The following TRIO variants were observed in gnomAD, a reference collection of about 807,000 sequenced individuals.
The protein encoded by TRIO is trio Rho guanine nucleotide exchange factor, also known as triple functional domain protein.
A neutral mutation model predicts 351.9 loss-of-function variants in TRIO; 58 were observed. That is an observed-to-expected ratio of 0.16 (90% CI 0.13 to 0.21). The LOEUF (loss-of-function observed/expected upper bound fraction) is 0.21, where lower values mean the gene tolerates loss of function less well. TRIO is among the 10% of genes least tolerant of loss of function. The pLI, the probability that TRIO is intolerant of heterozygous loss-of-function variation, is 1.00. For missense variants in TRIO, 3,201 were observed against 4,027.8 expected, an observed-to-expected ratio of 0.79 and a Z score of 5.56; for synonymous variants, 1,758 against 1,595.7, an observed-to-expected ratio of 1.10 and a Z score of -2.42.
intron 1 of TRIO, among the ~76,000 whole-genome samples, chr5:14,178,136 T>C (rs1789517755): frequency 1.3e-5 from 2 of 152,188 alleles, no homozygotes; most frequent in Admixed American, 1.3e-4. Flanking sequence ...AAAAATAGTC[T>C]GCTAGGGCAG....
chr5:14,314,989 G>A (rs138158293), intron 8 of TRIO, among the ~76,000 whole-genome samples: 63 of 152,278 alleles, frequency 4.1e-4, no homozygotes, highest in African/African-American at 1.4e-3. Context: ...TGAAGCCTTC[G>A]TAAGGAATAA....
intron 34 of TRIO, among the ~76,000 whole-genome samples, chr5:14,437,490 A>T (rs1003213499): frequency 2.0e-5 from 3 of 152,166 alleles, no homozygotes; most frequent in African/African-American, 7.2e-5. Flanking sequence ...GCTGTAACAA[A>T]GTACCACACA....
intron 1 of TRIO, among the ~76,000 whole-genome samples, chr5:14,159,476 G>A (rs1279671123): frequency 6.6e-6 from 1 of 152,112 alleles, no homozygotes; most frequent in Non-Finnish European, 1.5e-5. Context: ...AAAGTTGAAG[G>A]GAGAGGCAAC....
chr5:14,496,135 A>G (rs1756878529), intron 49 of TRIO, among the ~76,000 whole-genome samples: 1 of 152,208 alleles, frequency 6.6e-6, no homozygotes, highest in South Asian at 2.1e-4. Flanking sequence ...TAATTAAGGT[A>G]TGTACATTTT....
intron 20 of TRIO, among the ~76,000 whole-genome samples, chr5:14,378,832 TTACAGGCATGAG>T (rs1745810186): frequency 6.6e-6 from 1 of 152,142 alleles, no homozygotes; most frequent in Non-Finnish European, 1.5e-5. Flanking sequence ...AGTGCTGGGA[TTACAGGCATGAG>T]CCACCGCACC....
intron 25 of TRIO, among the ~76,000 whole-genome samples, chr5:14,389,930 G>A (rs961491354): frequency 1.3e-5 from 2 of 152,180 alleles, no homozygotes. Context: ...CAGCAAGAGC[G>A]CAGTCCCCTC....
chr5:14,321,062 G>A lies in TRIO; in HGVS notation c.1731+4319G>A, dbSNP rs551857326. On this transcript the variant is annotated intron_variant, in intron 9 of 56. Coordinates refer to ENST00000344204, the MANE Select transcript of TRIO (RefSeq NM_007118.4). ...AGCTTTTTCTGAATTCTTCTCAAAC[G>A]TCAAGGGTCTAATGCACAAGGAAAA... Among the ~76,000 whole-genome samples, 91 of 152,294 alleles carry A rather than the reference G, an allele frequency of 6.0e-4. 1 individual carries two copies. Among genetic ancestry groups the A allele is most frequent in the African/African-American group, 2.0e-3 (85 of 41,560 alleles).
intron 19 of TRIO, among the ~76,000 whole-genome samples, chr5:14,376,071 CA>C (rs1745532192): frequency 6.6e-6 from 1 of 152,056 alleles, no homozygotes; most frequent in South Asian, 2.1e-4. Context: ...GGAGAAAAGT[CA>C]ATAAATTTGG....
At chr5:14,411,747 A>C (rs1241737506) in intron 33 of TRIO, among the ~76,000 whole-genome samples, 5 of 151,538 alleles carry the variant, frequency 3.3e-5, no homozygotes, top group Non-Finnish European at 7.4e-5. Flanking sequence ...TAGGACCATA[A>C]GTGTACACTA....
At position 14,363,793 on chromosome 5, in the gene TRIO, C is replaced by G. The variant is rs748924196; in HGVS notation, c.2453C>G (p.Thr818Arg). 3 of 1,614,176 alleles carry G rather than the reference C, an allele frequency of 1.9e-6. No individual in the cohort carries two copies. Among genetic ancestry groups the G allele is most frequent in the South Asian group, 1.1e-5 (1 of 91,086 alleles). ...TCTCAGCAAATGAATGACTTCGACACAGAAGATCTCACGATTGCAGAGCAG... is the reference window on the plus strand; with the variant it reads ...TCTCAGCAAATGAATGACTTCGACAGAGAAGATCTCACGATTGCAGAGCAG... The part of the protein sequence containing the change: ...ELSQQMNDFD[T>R]EDLTIAEQRL... Residue 818 changes from threonine (T) to arginine (R), a missense_variant, in exon 14 of 57, where the codon ACA becomes AGA. Around this residue, in one of 19 missense-constraint regions of TRIO, gnomAD observed 363 missense variants for 553.5 expected, o/e 0.66. Coordinates refer to ENST00000344204, the MANE Select transcript of TRIO (RefSeq NM_007118.4).
rs947187151 is a variant in TRIO at position 14,143,705 on chromosome 5, G to A, written c.-21G>A. The A allele has an allele frequency of 1.2e-3, 1,134 of 975,588 alleles. 5 individuals carry two copies. The African/African-American group carries it at 0.019, about 16-fold the overall frequency. The allele number at this position is 975,588 out of a possible 1,614,324, so 60.4% of individuals were successfully genotyped here. Reference sequence around the variant, plus strand: ...GGGCGCGGGGCCCGAGGCGGGCGCGGCCGCGGGCGCCGCCGCAGCCATGAG... The same window carrying A: ...GGGCGCGGGGCCCGAGGCGGGCGCGACCGCGGGCGCCGCCGCAGCCATGAG... On this transcript the variant is annotated 5_prime_UTR_variant, in exon 1 of 57. Transcript: ENST00000344204.
chr5:14,240,406 T>G (rs1794057943), intron 1 of TRIO, among the ~76,000 whole-genome samples: 1 of 152,250 alleles, frequency 6.6e-6, no homozygotes, highest in Admixed American at 6.5e-5. Flanking sequence ...TTCTTATGTC[T>G]GTGAAAATCA....
chr5:14,492,077 C>T (rs894487414), intron 48 of TRIO, among the ~76,000 whole-genome samples: 4 of 152,182 alleles, frequency 2.6e-5, no homozygotes, highest in African/African-American at 9.7e-5. Flanking sequence ...AGTATGCATT[C>T]CCAATGAACA....
rs146333859 is a variant in TRIO at position 14,335,490 on chromosome 5, G to A, written c.1855-1046G>A. On this transcript the variant is annotated intron_variant, in intron 10 of 56. Transcript: ENST00000344204. ...TCCCCTCCCACCTGTGGACCCCTCCGCAGCAGCTTCCTGTAACAGCATCAG... is the reference window on the plus strand; with the variant it reads ...TCCCCTCCCACCTGTGGACCCCTCCACAGCAGCTTCCTGTAACAGCATCAG... 3.0e-3 allele frequency among the ~76,000 whole-genome samples: 464 copies of A among 152,236 alleles called. 1 individual carries two copies. The highest frequency in any genetic ancestry group is 4.7e-3 in the Non-Finnish European group (321 of 68,000).
At chr5:14,320,128 C>T (rs1203875231) in intron 9 of TRIO, among the ~76,000 whole-genome samples, 1 of 150,960 alleles carries the variant, frequency 6.6e-6, no homozygotes, top group African/African-American at 2.5e-5. Flanking sequence ...CAGATATATA[C>T]ATCTCTCCAT....
chr5:14,292,506 TTA>T (rs1187392408), intron 5 of TRIO, among the ~76,000 whole-genome samples: 1 of 152,254 alleles, frequency 6.6e-6, no homozygotes, highest in Non-Finnish European at 1.5e-5. Flanking sequence ...ATAGTAAATT[TTA>T]TGTTTTTGCA....
intron 9 of TRIO, among the ~76,000 whole-genome samples, chr5:14,325,924 C>T (rs890897889): frequency 2.0e-5 from 3 of 152,212 alleles, no homozygotes; most frequent in Admixed American, 6.5e-5. Context: ...TTTTGCTGAG[C>T]GTTGTGACAG....
chr5:14,295,488 C>T (rs1016608078), intron 6 of TRIO, among the ~76,000 whole-genome samples: 4 of 152,202 alleles, frequency 2.6e-5, no homozygotes, highest in African/African-American at 9.6e-5. Flanking sequence ...ACACAGGAAG[C>T]TGTTACAATC....
At chr5:14,294,954 T>C (rs165080) in intron 6 of TRIO, among the ~76,000 whole-genome samples, 1,977 of 152,280 alleles carry the variant, frequency 0.013, 43 homozygotes, top group African/African-American at 0.045. Flanking sequence ...TATTTTCTAA[T>C]TTTCTACAAT....
Sources: gnomAD v4.1 joint callset for allele counts (sites outside exome capture counted in the v4.1 genomes callset) on GRCh38, gnomAD v4.1.1 for gene constraint, gnomAD v4.1.1 regional missense constraint, MANE v1.5 for transcripts, NCBI Gene and HGNC (gene_info 2026-07-23, HGNC 2026-07-21) for gene names.